Variants in CEP89 observed in about 807,000 individuals in gnomAD.
CEP89 encodes centrosomal protein 89.
Under a neutral mutation model 97.6 loss-of-function variants are expected in CEP89, and 95 were observed. That is an observed-to-expected ratio of 0.97 (90% CI 0.82 to 1.15). The LOEUF is 1.15. Among genes scored for constraint, CEP89 ranks in the 50% most tolerant of loss-of-function variants. CEP89 has a pLI of 0.00. For missense variants in CEP89, 869 were observed against 947.7 expected, an observed-to-expected ratio of 0.92 and a Z score of 1.09; for synonymous variants, 354 against 349.1, an observed-to-expected ratio of 1.01 and a Z score of -0.16.
chr19:32,899,332 C>T (rs1381047782), intron 16 of CEP89, among the ~76,000 whole-genome samples: 1 of 152,020 alleles, frequency 6.6e-6, no homozygotes, highest in African/African-American at 2.4e-5. Context: ...TGGGTTCTCA[C>T]TATGTTACCC....
At position 32,878,996 on chromosome 19, in the gene CEP89, T is replaced by G; in HGVS notation, c.*166A>C. The stretch of plus-strand genomic sequence containing the variant: ...AAAAAAATTAAAAAATAAAGCAAAA[T>G]GTTATCAATGGATTAAACTATGAGA... On this transcript the variant is annotated 3_prime_UTR_variant, in exon 19 of 19. Transcript: ENST00000305768. The G allele has an allele frequency of 2.1e-6, 1 of 465,918 alleles. No individual in the cohort carries two copies. Among genetic ancestry groups the G allele is most frequent in the Non-Finnish European group, 3.7e-6 (1 of 269,478 alleles). 28.9% of individuals were successfully genotyped at this position (465,918 alleles called of 1,614,324 possible). A position where few individuals can be genotyped will look rare whatever the true frequency, so the allele number is the denominator to read the frequency against.
chr19:32,932,835 A>G (rs1233544122), intron 8 of CEP89, among the ~76,000 whole-genome samples: 2 of 151,980 alleles, frequency 1.3e-5, no homozygotes, highest in Non-Finnish European at 2.9e-5. Flanking sequence ...CTTTAGTCCC[A>G]GCTACTCAGG....
chr19:32,901,781 T>G (rs1044528626), intron 14 of CEP89, among the ~76,000 whole-genome samples: 1 of 152,144 alleles, frequency 6.6e-6, no homozygotes, highest in African/African-American at 2.4e-5. Context: ...GCACACATGA[T>G]ACCTGGCTAA....
intron 14 of CEP89, among the ~76,000 whole-genome samples, chr19:32,908,361 T>A (rs749147874): frequency 6.6e-6 from 1 of 152,174 alleles, no homozygotes; most frequent in Non-Finnish European, 1.5e-5. Flanking sequence ...AAAGCCTTTA[T>A]GGCAGCTTTG....
At chr19:32,884,934 T>C (rs1969362988) in intron 17 of CEP89, among the ~76,000 whole-genome samples, 1 of 152,218 alleles carries the variant, frequency 6.6e-6, no homozygotes, top group Non-Finnish European at 1.5e-5. Flanking sequence ...ATATTACATG[T>C]TCTTAGTCCC....
intron 5 of CEP89, among the ~76,000 whole-genome samples, chr19:32,942,220 A>G (rs1227423327): frequency 6.6e-6 from 1 of 152,176 alleles, no homozygotes; most frequent in African/African-American, 2.4e-5. Context: ...CGTCTCTACA[A>G]AAAATACCAA....
intron 4 of CEP89, among the ~76,000 whole-genome samples, chr19:32,950,725 T>C (rs1970894779): frequency 6.6e-6 from 1 of 152,114 alleles, no homozygotes; most frequent in Non-Finnish European, 1.5e-5. Context: ...AAGGGACACA[T>C]CGCCAAATGT....
At chr19:32,880,702 T>C (rs141848550) in intron 18 of CEP89, among the ~76,000 whole-genome samples, 1 of 150,376 alleles carries the variant, frequency 6.6e-6, no homozygotes, top group African/African-American at 2.4e-5. Flanking sequence ...TGGTAAATTA[T>C]AGCAATCATG....
intron 16 of CEP89, among the ~76,000 whole-genome samples, chr19:32,894,633 A>T (rs1181709982): frequency 6.6e-6 from 1 of 152,220 alleles, no homozygotes; most frequent in African/African-American, 2.4e-5. Flanking sequence ...GAGGTTTTAT[A>T]TGCTAATTAT....
chr19:32,962,291 T>C (rs887667782), intron 2 of CEP89, among the ~76,000 whole-genome samples: 1 of 152,218 alleles, frequency 6.6e-6, no homozygotes, highest in Non-Finnish European at 1.5e-5. Flanking sequence ...TCTGCCGCCA[T>C]GTAAGACATG....
chr19:32,931,447 C>A lies in CEP89; in HGVS notation c.1011G>T (p.Arg337Ser), dbSNP rs755761960. 13 of 1,582,084 alleles carry A rather than the reference C, an allele frequency of 8.2e-6. No homozygotes were observed. In the East Asian group the frequency reaches 2.8e-4, roughly 34 times the overall value. ...ACGTTACCTCTTCCTTGGACAAATG[C>A]CTGAATTTTGTCTGATATCGACTGA... The part of the protein sequence containing the change: ...VELSRYQTKF[R>S]HLSKEESLNI... Residue 337 changes from arginine to serine, a missense_variant, in exon 9 of 19, where the codon AGG becomes AGT. Physicochemically the swap from Arg to Ser is moderately radical, Grantham distance 110. Transcript: ENST00000305768.
rs760830494 is a variant in CEP89 at position 32,926,954 on chromosome 19, C to A, written c.1060G>T (p.Gly354Cys). ...SLNIEGLPSK[G>C]PIPPWLLDIK... ...CTTACCAACCAGGGTGGTATAGGGC[C>A]CTTGGATGGGAGGCCTTCAATATTT... Residue 354 changes from glycine to cysteine, a missense_variant, in exon 10 of 19, where the codon GGC becomes TGC. Coordinates refer to ENST00000305768, the MANE Select transcript of CEP89 (RefSeq NM_032816.5). 2 of 1,613,672 alleles carry A rather than the reference C, an allele frequency of 1.2e-6. No homozygotes were observed. Among genetic ancestry groups the A allele is most frequent in the Non-Finnish European group, 1.7e-6 (2 of 1,179,772 alleles).
At chr19:32,920,463 T>A (rs12976321) in intron 12 of CEP89, among the ~76,000 whole-genome samples, 31,558 of 151,958 alleles carry the variant, frequency 0.21, 3,382 homozygotes, top group African/African-American at 0.23. Flanking sequence ...CACTCCCTCT[T>A]ATTTTGTTTT....
At chr19:32,913,466 A>T (rs1446274407) in intron 14 of CEP89, among the ~76,000 whole-genome samples, 1 of 151,922 alleles carries the variant, frequency 6.6e-6, no homozygotes, top group African/African-American at 2.4e-5. Context: ...ATACACGCAC[A>T]TACACATGTA....
intron 14 of CEP89, among the ~76,000 whole-genome samples, chr19:32,913,669 G>C (rs549644838): frequency 1.5e-5 from 2 of 137,446 alleles, no homozygotes; most frequent in African/African-American, 2.8e-5. Context: ...ACAAAGTCTC[G>C]CTCTTGTCCC....
Position 32,953,697 on chromosome 19 carries a change from C to A in CEP89, c.410G>T (p.Gly137Val), listed in dbSNP as rs764009740. Residue 137 changes from glycine to valine, a missense_variant, in exon 4 of 19, where the codon GGC (glycine) becomes GTC (valine). Physicochemically the swap from Gly to Val is moderately radical, Grantham distance 109. Coordinates refer to ENST00000305768, the MANE Select transcript of CEP89 (RefSeq NM_032816.5). ...GGCACTGACATCCCCCAATTCCTTG[C>A]CGCTGGATGACAGCTGAGTTTCAAT... ...EDIETQLSSS[G>V]KELGDVSARE... The A allele has an allele frequency of 2.5e-6, 4 of 1,613,990 alleles. No homozygotes were observed. Among genetic ancestry groups the A allele is most frequent in the Non-Finnish European group, 3.4e-6 (4 of 1,179,900 alleles).
At position 32,879,368 on chromosome 19, in the gene CEP89, C is replaced by G. The variant is rs1187777914; in HGVS notation, c.2146G>C (p.Gly716Arg). Reference protein sequence around the residue: ...QALQQNREMEGELEVIWESTF... With the variant: ...QALQQNREMERELEVIWESTF... Reference sequence around the variant, plus strand: ...GATTCCCAAATAACTTCAAGTTCACCTTCCATTTCTCTGAGGGAAATAAGT... The same window carrying G: ...GATTCCCAAATAACTTCAAGTTCACGTTCCATTTCTCTGAGGGAAATAAGT... Residue 716 changes from glycine (G) to arginine (R), a missense_variant, in exon 19 of 19, where the codon GGT becomes CGT. Gly to Arg is a moderately radical substitution (Grantham distance 125, BLOSUM62 -2). Transcript: ENST00000305768. The G allele has an allele frequency of 6.2e-7, 1 of 1,613,566 alleles. No individual in the cohort carries two copies. The highest frequency in any genetic ancestry group is 8.5e-7 in the Non-Finnish European group (1 of 1,179,558).
chr19:32,938,949 C>CAAAAAA (rs1970631827), intron 6 of CEP89, among the ~76,000 whole-genome samples: 1 of 151,912 alleles, frequency 6.6e-6, no homozygotes, highest in African/African-American at 2.4e-5. Flanking sequence ...GACTCCATCT[C>CAAAAAA]AGAAAAATAT....
intron 12 of CEP89, among the ~76,000 whole-genome samples, chr19:32,919,502 T>C (rs1440633905): frequency 2.0e-5 from 3 of 152,138 alleles, no homozygotes; most frequent in African/African-American, 7.2e-5. Flanking sequence ...CCAACAGTGG[T>C]GTGCACTGGC....
Sources: gnomAD v4.1 joint callset for allele counts (sites outside exome capture counted in the v4.1 genomes callset) on GRCh38, gnomAD v4.1.1 for gene constraint, MANE v1.5 for transcripts, NCBI Gene and HGNC (gene_info 2026-07-23, HGNC 2026-07-21) for gene names.